The following HMGN1 variants were observed in gnomAD, a reference collection of about 807,000 sequenced individuals.
HMGN1 encodes the protein non-histone chromosomal protein HMG-14.
HMGN1 carries 9 observed loss-of-function variants against 18.4 expected under a neutral mutation model. The ratio of observed to expected loss-of-function variants is 0.49; its 90% CI spans 0.29 to 0.85. HMGN1 has a LOEUF of 0.85. Among genes scored for constraint, HMGN1 ranks in the 40% least tolerant of loss-of-function variants. The pLI is 0.07. For missense variants in HMGN1, 151 were observed against 119.2 expected (o/e 1.27, Z -1.24); for synonymous variants, 59 against 45.0 (o/e 1.31, Z -1.24).
rs758077441 is a variant in HMGN1 at position 39,342,997 on chromosome 21, A to G, written c.*115T>C. 3 of 1,203,552 alleles carry G rather than the reference A, an allele frequency of 2.5e-6. No individual in the cohort carries two copies. The South Asian group carries it at 3.8e-5, about 15-fold the overall frequency. The allele number at this position is 1,203,552 out of a possible 1,614,324, so 74.6% of individuals were successfully genotyped here. On this transcript the variant is annotated 3_prime_UTR_variant, in exon 6 of 6. Transcript: ENST00000380749. ...TGAGGTGGGATTCCCTCCTTCTTAA[A>G]AATGTTTCTAGAGCTACTAAAAAAC...
Position 39,349,046 on chromosome 21 carries a change from C to A in HMGN1, c.-129G>T. On this transcript the variant is annotated 5_prime_UTR_variant, in exon 1 of 6. Transcript: ENST00000380749. ...TGCCGCTGCCACTCCTCCCGCCGCC[C>A]GAGCTGCTGAGACCCACAGCGGGGG... 1 of 1,063,576 alleles carries A rather than the reference C, an allele frequency of 9.4e-7. No homozygotes were observed. The highest frequency in any genetic ancestry group is 1.2e-6 in the Non-Finnish European group (1 of 849,448). The allele number at this position is 1,063,576 out of a possible 1,614,324, so 65.9% of individuals were successfully genotyped here.
chr21:39,343,344 G>A (rs1461542085), intron 5 of HMGN1, among the ~76,000 whole-genome samples, 185 bp from the exon 6 acceptor site: 1 of 152,034 alleles, frequency 6.6e-6, no homozygotes, highest in Non-Finnish European at 1.5e-5. Context: ...CCCTTCCATG[G>A]TCATGTGCAT....
In HMGN1 at chr21:39,348,923, C is replaced by G. The variant is rs1185591265; in HGVS notation, c.-6G>C. On this transcript the variant is annotated 5_prime_UTR_variant, in exon 1 of 6. Coordinates refer to ENST00000380749, the MANE Select transcript of HMGN1 (RefSeq NM_004965.7). ...CTCACCTTCCTCTTGGGCATCGTGG[C>G]GGCGGGGAAGGCGCGTGCCGGGTGC... The G allele has an allele frequency of 8.4e-7, 1 of 1,194,856 alleles. No individual in the cohort carries two copies. The highest frequency in any genetic ancestry group is 4.5e-5 in the Admixed American group (1 of 22,372). The allele number at this position is 1,194,856 out of a possible 1,614,324, so 74.0% of individuals were successfully genotyped here. A position where few individuals can be genotyped will look rare whatever the true frequency, so the allele number is the denominator to read the frequency against.
rs896617941 is a variant in HMGN1, at chr21:39,342,427, T to C, written c.*685A>G. Reference sequence around the variant, plus strand: ...AAAAAGCCATGTATTGTAATTCTTTTTTAAAGTTATTCCAGTGACTTTCCA... The same window carrying C: ...AAAAAGCCATGTATTGTAATTCTTTCTTAAAGTTATTCCAGTGACTTTCCA... On this transcript the variant is annotated 3_prime_UTR_variant, in exon 6 of 6. Transcript: ENST00000380749. 6 of 194,894 alleles carry C rather than the reference T, an allele frequency of 3.1e-5. No individual in the cohort carries two copies. In the South Asian group the frequency reaches 5.1e-4, roughly 17 times the overall value. 12.1% of individuals were successfully genotyped at this position (194,894 alleles called of 1,614,324 possible). A position where few individuals can be genotyped will look rare whatever the true frequency, so the allele number is the denominator to read the frequency against.
chr21:39,346,255 G>T lies in HMGN1; in HGVS notation c.127-981C>A, dbSNP rs551359760. 1.2e-5 allele frequency: 4 copies of T among 330,974 alleles called. No homozygotes were observed. The East Asian group carries it at 3.2e-4, about 27-fold the overall frequency. The allele number at this position is 330,974 out of a possible 1,614,324, so 20.5% of individuals were successfully genotyped here. ...TAACACGGGCGGAAAAATCACTGCA[G>T]GGTGTTCTGTACTAATAGTAGGATT... On this transcript the variant is annotated intron_variant, in intron 4 of 5. Transcript: ENST00000380749.
chr21:39,345,119 A>G (rs769914353), intron 5 of HMGN1, 27 bp downstream of exon 5: 2 of 1,554,366 alleles, frequency 1.3e-6, no homozygotes, highest in South Asian at 2.3e-5. Context: ...TCACACACAC[A>G]CACACACACA....
At position 39,348,295 on chromosome 21, in the gene HMGN1, C is replaced by T. The variant is rs1376125760; in HGVS notation, c.123G>A (p.Ala41=). Residue 41 remains alanine (A), a synonymous_variant, in exon 4 of 6, where the codon GCG becomes GCA. Transcript: ENST00000380749. Reference sequence around the variant, plus strand: ...CAATGCGCGTTTCGAGGCTTACCTTCGCTGCTGCCTTTTTCGGCTTCGCTT... The same window carrying T: ...CAATGCGCGTTTCGAGGCTTACCTTTGCTGCTGCCTTTTTCGGCTTCGCTT... ...KVEAKPKKAA[A]KDKSSDKKVQ... 11 of 1,613,972 alleles carry T rather than the reference C, an allele frequency of 6.8e-6. No homozygotes were observed. Among genetic ancestry groups the T allele is most frequent in the Non-Finnish European group, 9.3e-6 (11 of 1,179,964 alleles).
At chr21:39,343,536 C>T (rs144401548) in intron 5 of HMGN1, among the ~76,000 whole-genome samples, 30 of 152,312 alleles carry the variant, frequency 2.0e-4, no homozygotes, top group East Asian at 9.6e-4. Flanking sequence ...ATGGCCCCCA[C>T]GCATCTTGTT....
chr21:39,345,109 T>TCACACTCACACACACACACACACA, intron 5 of HMGN1, 37 bp downstream of exon 5: 2 of 1,410,174 alleles, frequency 1.4e-6, no homozygotes, highest in Admixed American at 2.3e-5. Flanking sequence ...GTCAAAGCAA[T>TCACACTCACACACACACACACACA]CACACACACA....
intron 4 of HMGN1, chr21:39,347,505 C>T (rs1393578627): frequency 9.5e-6 from 11 of 1,158,868 alleles, no homozygotes; most frequent in African/African-American, 7.9e-5. Context: ...GAGGTGAAGG[C>T]ATTAACAAAA....
rs764853075 is a variant in HMGN1 at position 39,348,440 on chromosome 21, T to C, written c.60A>G (p.Arg20=). ...TACTTACAGCTGACAACCGCGCCGA[T>C]CTCCTCTTGGGCTTGGAGAAAGAAA... ...EGAAKEEPKR[R]SARLSAKPPA... The change falls in exon 3 of 6, where the codon AGA becomes AGG. Residue 20 remains arginine (R), a synonymous_variant. Coordinates refer to ENST00000380749, the MANE Select transcript of HMGN1 (RefSeq NM_004965.7). 1 of 1,614,062 alleles carries C rather than the reference T, an allele frequency of 6.2e-7. No homozygotes were observed. The highest frequency in any genetic ancestry group is 1.1e-5 in the South Asian group (1 of 91,078).
At chr21:39,343,593 C>T (rs2070865) in intron 5 of HMGN1, among the ~76,000 whole-genome samples, 72,029 of 152,082 alleles carry the variant, frequency 0.47, 17,237 homozygotes, top group Admixed American at 0.54. Flanking sequence ...ATGTGCCACA[C>T]AGAGAACGTA....
Position 39,347,076 on chromosome 21 carries a change from AC to A in HMGN1, c.126+1215del, listed in dbSNP as rs2037081463. 5.8e-5 allele frequency: 9 copies of A among 154,710 alleles called. No individual in the cohort carries two copies. The South Asian group carries it at 1.1e-3, about 19-fold the overall frequency. The allele number at this position is 154,710 out of a possible 1,614,324, so 9.6% of individuals were successfully genotyped here. On this transcript the variant is annotated intron_variant, in intron 4 of 5. Coordinates refer to ENST00000380749, the MANE Select transcript of HMGN1 (RefSeq NM_004965.7). ...GTTTAAAACACACACACACACACAC[AC>A]ACAATAAAAAAAGATAGGTAATAAT...
intron 5 of HMGN1, 133 bp from the exon 6 acceptor site, chr21:39,343,292 AC>A: frequency 1.2e-6 from 1 of 809,948 alleles, no homozygotes; most frequent in Non-Finnish European, 2.0e-6. Flanking sequence ...TTGTTAAAAA[AC>A]TTTTGTTAAC....
chr21:39,344,995 A>G (rs2036991779), intron 5 of HMGN1, 151 bp downstream of exon 5: 1 of 924,920 alleles, frequency 1.1e-6, no homozygotes, highest in Admixed American at 3.6e-5. Context: ...ATAGAAAACC[A>G]TTTGTCCAAT....
At chr21:39,343,253 T>G in intron 5 of HMGN1, 94 bp from the exon 6 acceptor site, 2 of 1,208,604 alleles carry the variant, frequency 1.7e-6, no homozygotes, top group Non-Finnish European at 2.4e-6. Context: ...TCAATAACCT[T>G]TGTTATTTGT....
At chr21:39,347,497 G>C in intron 4 of HMGN1, 3 of 1,217,940 alleles carry the variant, frequency 2.5e-6, no homozygotes, top group African/African-American at 3.1e-5. Context: ...TTAGGAAAGA[G>C]GTGAAGGCAT....
intron 4 of HMGN1, 85 bp downstream of exon 4, chr21:39,348,207 A>G (rs2037129061): frequency 6.6e-7 from 1 of 1,514,882 alleles, no homozygotes; most frequent in South Asian, 1.1e-5. Context: ...TAAAGCTCCA[A>G]TAGCTAATCA....
At chr21:39,348,250 C>A in intron 4 of HMGN1, 42 bp downstream of exon 4, 1 of 1,611,260 alleles carries the variant, frequency 6.2e-7, no homozygotes, top group African/African-American at 1.3e-5. Flanking sequence ...AGCAGTGTAG[C>A]CTAAGGCCCC....
Sources: allele counts gnomAD v4.1 joint callset (sites outside exome capture counted in the v4.1 genomes callset), GRCh38; gene constraint gnomAD v4.1.1; transcripts MANE v1.5; gene names NCBI Gene and HGNC (gene_info 2026-07-23, HGNC 2026-07-21).